MLLT10: variants seen among roughly 807,000 people sequenced by gnomAD.
The protein encoded by MLLT10 is MLLT10 histone lysine methyltransferase DOT1L cofactor, also known as protein AF-10.
Under a neutral mutation model 129.1 loss-of-function variants are expected in MLLT10, and 30 were observed. The observed-to-expected ratio is 0.23, with a 90% CI of 0.17 to 0.32. The LOEUF (loss-of-function observed/expected upper bound fraction) is 0.32. Among genes scored for constraint, MLLT10 ranks in the 10% least tolerant of loss-of-function variants. MLLT10 has a pLI of 1.00. For missense variants in MLLT10, 1,119 were observed against 1,268.3 expected (o/e 0.88, Z 1.79); for synonymous variants, 490 against 446.4 (o/e 1.10, Z -1.23).
At chr10:21,557,948 CTTTTTTTTTT>C (rs945740582) in intron 3 of MLLT10, 2 of 104,458 alleles carry the variant, frequency 1.9e-5, no homozygotes, top group East Asian at 2.5e-4. Flanking sequence ...TTTTTTTTTT[CTTTTTTTTTT>C]TTTTTTTTGG....
intron 3 of MLLT10, among the ~76,000 whole-genome samples, chr10:21,577,673 A>G (rs1442064462): frequency 1.3e-5 from 2 of 151,590 alleles, no homozygotes; most frequent in African/African-American, 4.8e-5. Flanking sequence ...GTTTCACTAT[A>G]TTGGCTAGGC....
chr10:21,646,208 A>T (rs1463199028), intron 8 of MLLT10, among the ~76,000 whole-genome samples: 1 of 152,148 alleles, frequency 6.6e-6, no homozygotes, highest in East Asian at 1.9e-4. Context: ...GTATCCCAAA[A>T]AAGAAAACAA....
intron 2 of MLLT10, among the ~76,000 whole-genome samples, chr10:21,537,150 C>G (rs2034176690): frequency 6.6e-6 from 1 of 152,120 alleles, no homozygotes; most frequent in South Asian, 2.1e-4. Context: ...GCTGGGATTA[C>G]AGGCATGAGC....
intron 3 of MLLT10, among the ~76,000 whole-genome samples, chr10:21,564,319 G>A (rs1035743161): frequency 2.6e-5 from 4 of 152,070 alleles, no homozygotes; most frequent in Non-Finnish European, 5.9e-5. Context: ...TTGAACTTCT[G>A]AGCTAAAGCC....
chr10:21,682,371 C>T, intron 13 of MLLT10, 114 bp downstream of exon 13: 1 of 973,650 alleles, frequency 1.0e-6, no homozygotes, highest in Non-Finnish European at 1.5e-6. Flanking sequence ...TCCAGTGCTG[C>T]AGTGAGTCAA....
In MLLT10 at chr10:21,673,431, C is replaced by T; in HGVS notation, c.1133C>T (p.Thr378Ile). Residue 378 changes from threonine to isoleucine, a missense_variant, in exon 11 of 23, where the codon ACA becomes ATA. Transcript: ENST00000307729. Reference sequence around the variant, plus strand: ...TCTCCCCAGGATTTCCTGAGCTTTACAGACTCAGATCTGCGTAATGACAGT... The same window carrying T: ...TCTCCCCAGGATTTCCTGAGCTTTATAGACTCAGATCTGCGTAATGACAGT... ...VQSPQDFLSF[T>I]DSDLRNDSYS... The T allele has an allele frequency of 6.2e-7, 1 of 1,608,424 alleles. No homozygotes were observed. The highest frequency in any genetic ancestry group is 8.5e-7 in the Non-Finnish European group (1 of 1,177,492).
At chr10:21,549,357 G>A (rs1030725609) in intron 3 of MLLT10, among the ~76,000 whole-genome samples, 1 of 151,970 alleles carries the variant, frequency 6.6e-6, no homozygotes, top group Non-Finnish European at 1.5e-5. Context: ...TCATCCGCCC[G>A]CCTTGGCCTC....
rs779298174 is a variant in MLLT10, at chr10:21,613,084, C to T, written c.509+633C>T. Reference sequence around the variant, plus strand: ...TGGCACATGCCTGCAATCCTAGCTACTTGGAAAGCTGAGGCAAGAGAATCG... The same window carrying T: ...TGGCACATGCCTGCAATCCTAGCTATTTGGAAAGCTGAGGCAAGAGAATCG... On this transcript the variant is annotated intron_variant, in intron 6 of 22. Coordinates refer to ENST00000307729, the MANE Select transcript of MLLT10 (RefSeq NM_001195626.3). Among the ~76,000 whole-genome samples, 63 of 148,494 alleles carry T rather than the reference C, an allele frequency of 4.2e-4. 1 individual carries two copies. Among genetic ancestry groups the T allele is most frequent in the Non-Finnish European group, 3.7e-4 (25 of 67,648 alleles).
chr10:21,567,051 G>A (rs138866596), intron 3 of MLLT10, among the ~76,000 whole-genome samples: 4,170 of 152,238 alleles, frequency 0.027, 192 homozygotes, highest in African/African-American at 0.094. Context: ...GACTTGAGGT[G>A]ATCCACCCAC....
intron 13 of MLLT10, among the ~76,000 whole-genome samples, chr10:21,700,481 TATA>T (rs1051362712): frequency 1.3e-5 from 2 of 152,188 alleles, no homozygotes; most frequent in African/African-American, 4.8e-5. Flanking sequence ...TCCTGTTGAG[TATA>T]ATGTTAGCTG....
chr10:21,603,377 C>T (rs982883853), intron 5 of MLLT10, among the ~76,000 whole-genome samples: 21 of 152,082 alleles, frequency 1.4e-4, no homozygotes, highest in African/African-American at 4.8e-4. Flanking sequence ...TGATCAATTT[C>T]TTTTATGCCT....
chr10:21,739,903 G>C, intron 21 of MLLT10, 127 bp from the exon 22 acceptor site: 1 of 728,088 alleles, frequency 1.4e-6, no homozygotes, highest in Non-Finnish European at 2.3e-6. Flanking sequence ...TATTTTTCTA[G>C]ATGAGATACT....
intron 9 of MLLT10, among the ~76,000 whole-genome samples, chr10:21,660,041 T>C (rs966370527): frequency 6.6e-6 from 1 of 152,048 alleles, no homozygotes; most frequent in Non-Finnish European, 1.5e-5. Flanking sequence ...AGTGGCTCAT[T>C]GCAGCCTTGA....
chr10:21,650,384 T>G (rs549127767), intron 8 of MLLT10, among the ~76,000 whole-genome samples: 62 of 152,176 alleles, frequency 4.1e-4, no homozygotes, highest in Middle Eastern at 6.8e-3. Context: ...TTATATTAAT[T>G]TACATTTACT....
At chr10:21,608,844 G>T (rs2044316858) in intron 5 of MLLT10, among the ~76,000 whole-genome samples, 1 of 151,998 alleles carries the variant, frequency 6.6e-6, no homozygotes, top group East Asian at 1.9e-4. Flanking sequence ...TGAGGTCTTT[G>T]TCTCCTAAGT....
chr10:21,681,639 CCTT>C (rs2052747587), intron 12 of MLLT10, among the ~76,000 whole-genome samples: 1 of 151,996 alleles, frequency 6.6e-6, no homozygotes, highest in South Asian at 2.1e-4. Flanking sequence ...GACTTCACCT[CCTT>C]CTTGAAATAA....
chr10:21,612,245 G>T, intron 5 of MLLT10, 103 bp from the exon 6 acceptor site: 1 of 596,422 alleles, frequency 1.7e-6, no homozygotes, highest in South Asian at 2.5e-5. Flanking sequence ...AGTTAAGATA[G>T]GTTACTTAGT....
intron 3 of MLLT10, among the ~76,000 whole-genome samples, chr10:21,562,637 G>A (rs541061084): frequency 4.6e-5 from 7 of 151,144 alleles, no homozygotes; most frequent in East Asian, 2.0e-4. Flanking sequence ...CACACCTGGC[G>A]TGGAGATTGC....
intron 8 of MLLT10, among the ~76,000 whole-genome samples, chr10:21,641,766 A>G (rs1188875718): frequency 1.3e-5 from 2 of 152,226 alleles, no homozygotes; most frequent in African/African-American, 2.4e-5. Context: ...CTGTCTTTCT[A>G]GTTGGGGTGC....
Sources: allele counts gnomAD v4.1 joint callset (sites outside exome capture counted in the v4.1 genomes callset), GRCh38; gene constraint gnomAD v4.1.1; transcripts MANE v1.5; gene names NCBI Gene and HGNC (gene_info 2026-07-23, HGNC 2026-07-21).